Variants in KLRD1 observed in about 807,000 individuals in gnomAD.
KLRD1 encodes the protein natural killer cells antigen CD94.
A neutral mutation model predicts 22.6 loss-of-function variants in KLRD1; 21 were observed. That is an observed-to-expected ratio of 0.93 (90% CI 0.66 to 1.34). The LOEUF (loss-of-function observed/expected upper bound fraction) is 1.34. KLRD1 is among the 40% of genes most tolerant of loss of function. KLRD1 has a pLI of 0.00. For synonymous variants in KLRD1, 59 were observed against 71.1 expected, an observed-to-expected ratio of 0.83 and a Z score of 0.85; for missense variants, 183 against 208.6, an observed-to-expected ratio of 0.88 and a Z score of 0.76.
chr12:10,290,313 G>C (rs893958352), intron 1 of KLRD1, among the ~76,000 whole-genome samples: 5 of 152,164 alleles, frequency 3.3e-5, no homozygotes, highest in Admixed American at 1.3e-4. Flanking sequence ...GGAAAGGCCA[G>C]AGCAAGACCT....
At chr12:10,300,014 G>A (rs892136044), upstream of KLRD1, among the ~76,000 whole-genome samples, 3 of 152,120 alleles carry the variant, frequency 2.0e-5, no homozygotes, top group African/African-American at 7.2e-5. Flanking sequence ...TAGTTCTCTT[G>A]TTATTTCTAC....
At chr12:10,266,861 A>C (rs529163522) in intron 1 of KLRD1, among the ~76,000 whole-genome samples, 514 of 23,030 alleles carry the variant, frequency 0.022, 1 homozygote, top group African/African-American at 0.041. Flanking sequence ...TTACAGCCTT[A>C]TTTCTTTTTT....
intron 1 of KLRD1, among the ~76,000 whole-genome samples, chr12:10,267,291 A>G (rs1949509645): frequency 6.6e-6 from 1 of 152,134 alleles, no homozygotes; most frequent in East Asian, 1.9e-4. Flanking sequence ...TCTTCCCACC[A>G]AGGTACATTT....
At chr12:10,302,597 G>C (rs573365162), upstream of KLRD1, among the ~76,000 whole-genome samples, 2 of 152,236 alleles carry the variant, frequency 1.3e-5, no homozygotes, top group Admixed American at 1.3e-4. Context: ...TATTTTTATG[G>C]ACAATTTGGT....
chr12:10,267,919 G>A (rs1346649455), intron 1 of KLRD1, among the ~76,000 whole-genome samples: 1 of 152,156 alleles, frequency 6.6e-6, no homozygotes, highest in African/African-American at 2.4e-5. Flanking sequence ...GGCTGGTTCG[G>A]GAGAAAGGGT....
upstream of KLRD1, among the ~76,000 whole-genome samples, chr12:10,303,604 T>C (rs1342987853): frequency 6.6e-6 from 1 of 152,192 alleles, no homozygotes; most frequent in African/African-American, 2.4e-5. Flanking sequence ...TGACCTACTC[T>C]TGTGTCTGCA....
rs1592059972 is a variant in KLRD1, at chr12:10,286,913, G to A, written c.-100-21065G>A. ...CAGCACTCTGGGAGGCGAGGCAGGG[G>A]GATCACCTGAGGTCATGAGTTCGAG... On this transcript the variant is annotated intron_variant, in intron 1 of 5. Transcript: ENST00000544747. 2.0e-5 allele frequency among the ~76,000 whole-genome samples: 3 copies of A among 152,010 alleles called. No individual in the cohort carries two copies. In the South Asian group the frequency reaches 6.2e-4, roughly 32 times the overall value.
chr12:10,299,901 A>C (rs1409351066), upstream of KLRD1, among the ~76,000 whole-genome samples: 1 of 152,194 alleles, frequency 6.6e-6, no homozygotes, highest in Non-Finnish European at 1.5e-5. Flanking sequence ...CATCCCAAGA[A>C]ACACTTTCTT....
In KLRD1 at chr12:10,243,607, CAAAAAAAAAAAAAAA is replaced by C. The variant is rs34864670; in HGVS notation, c.-101+17386_-101+17400del. 2.8e-4 allele frequency among the ~76,000 whole-genome samples: 8 copies of C among 28,794 alleles called. 1 individual carries two copies. Among genetic ancestry groups the C allele is most frequent in the African/African-American group, 4.1e-4 (2 of 4,922 alleles). The allele number at this position is 28,794 out of a possible 152,430, so 18.9% of individuals were successfully genotyped here. On this transcript the variant is annotated intron_variant, in intron 1 of 5. Transcript: ENST00000544747. The stretch of plus-strand genomic sequence containing the variant: ...CAGCCTGGGCAACAGAGTGAGACTC[CAAAAAAAAAAAAAAA>C]AAAAAAAAAAACCGAAATGAAAGAT...
chr12:10,302,502 A>G (rs1464050679), upstream of KLRD1, among the ~76,000 whole-genome samples: 6 of 152,188 alleles, frequency 3.9e-5, no homozygotes, highest in Admixed American at 3.9e-4. Flanking sequence ...ATTGTAGCAG[A>G]GAAAGAAATT....
At chr12:10,289,567 C>T (rs991128611) in intron 1 of KLRD1, among the ~76,000 whole-genome samples, 7 of 151,940 alleles carry the variant, frequency 4.6e-5, no homozygotes, top group Admixed American at 2.6e-4. Context: ...TGTAGATTTA[C>T]TTATATGCAT....
intron 1 of KLRD1, among the ~76,000 whole-genome samples, chr12:10,244,646 G>A (rs1287150802): frequency 1.3e-5 from 2 of 151,940 alleles, no homozygotes; most frequent in Non-Finnish European, 2.9e-5. Context: ...AGCCTGGCAT[G>A]GTGGTGGACG....
At chr12:10,276,834 T>C (rs1350574466) in intron 1 of KLRD1, among the ~76,000 whole-genome samples, 2 of 152,152 alleles carry the variant, frequency 1.3e-5, no homozygotes, top group Non-Finnish European at 2.9e-5. Flanking sequence ...AAAGAGAAGA[T>C]GAAGTTTCTT....
chr12:10,304,276 G>T (rs756116913), upstream of KLRD1, among the ~76,000 whole-genome samples: 1 of 152,132 alleles, frequency 6.6e-6, no homozygotes, highest in Non-Finnish European at 1.5e-5. Flanking sequence ...AATGGTGTTT[G>T]TGGCTGCACC....
At chr12:10,303,719 C>T (rs372269009), upstream of KLRD1, among the ~76,000 whole-genome samples, 1 of 152,024 alleles carries the variant, frequency 6.6e-6, no homozygotes, top group African/African-American at 2.4e-5. Context: ...TGTCCTGAGC[C>T]CCAACAACAC....
chr12:10,246,928 C>CTTTTTTTTTTTTT (rs1208226436), intron 1 of KLRD1, among the ~76,000 whole-genome samples: 1 of 129,694 alleles, frequency 7.7e-6, no homozygotes, highest in African/African-American at 2.9e-5. Flanking sequence ...CTTTTCTTTT[C>CTTTTTTTTTTTTT]TTTTCTTTTT....
rs201336497 is a variant in KLRD1, at chr12:10,254,443, A to AC, written c.-101+28210_-101+28211insC. 9.3e-4 allele frequency among the ~76,000 whole-genome samples: 140 copies of AC among 151,050 alleles called. 3 individuals are homozygous for AC. The highest frequency in any genetic ancestry group is 3.1e-3 in the African/African-American group (128 of 40,834). On this transcript the variant is annotated intron_variant, in intron 1 of 5. Coordinates refer to the KLRD1 transcript ENST00000544747. ...CCACACTCCGTCTCAAAAAAAAAAA[A>AC]AAAAAAAAACCTATCAACAGAGTAA...
chr12:10,252,686 T>C (rs990304416), intron 1 of KLRD1, among the ~76,000 whole-genome samples: 1 of 152,178 alleles, frequency 6.6e-6, no homozygotes, highest in East Asian at 1.9e-4. Context: ...TGAGAGGATG[T>C]GTCTTGAGAA....
At chr12:10,254,162 C>T (rs1261345144) in intron 1 of KLRD1, among the ~76,000 whole-genome samples, 1 of 152,112 alleles carries the variant, frequency 6.6e-6, no homozygotes, top group Non-Finnish European at 1.5e-5. Context: ...GGCATGGTGG[C>T]TCACGCCTGT....
Sources: allele counts gnomAD v4.1 joint callset (sites outside exome capture counted in the v4.1 genomes callset), GRCh38; gene constraint gnomAD v4.1.1; transcripts MANE v1.5; gene names NCBI Gene and HGNC (gene_info 2026-07-23, HGNC 2026-07-21).